The following SLC17A5 variants were observed in gnomAD, a reference collection of about 807,000 sequenced individuals.
SLC17A5 encodes the protein sialin.
Under a neutral mutation model 59.4 loss-of-function variants are expected in SLC17A5, and 47 were observed. The observed-to-expected ratio is 0.79, with a 90% CI of 0.63 to 1.01. The LOEUF is 1.01. Ranked by LOEUF, SLC17A5 falls within the 50% of genes least tolerant of loss-of-function variation. The pLI is 0.00. For synonymous variants in SLC17A5, 202 were observed against 210.7 expected (o/e 0.96, Z 0.36); for missense variants, 522 against 595.5 (o/e 0.88, Z 1.28).
At chr6:73,598,402 G>A (rs546751001) in intron 10 of SLC17A5, among the ~76,000 whole-genome samples, 11 of 151,998 alleles carry the variant, frequency 7.2e-5, no homozygotes, top group Admixed American at 7.2e-4. Flanking sequence ...AGGCTGAGGC[G>A]GGTGGATCAT....
rs1285551450 is a variant in SLC17A5 at position 73,636,704 on chromosome 6, G to A, written c.617C>T (p.Ala206Val). 6.2e-7 allele frequency: 1 copy of A among 1,605,920 alleles called. No homozygotes were observed. The highest frequency in any genetic ancestry group is 1.7e-5 in the Admixed American group (1 of 60,008). Residue 206 changes from alanine (A) to valine (V), a missense_variant, in exon 5 of 11, where the codon GCA becomes GTA. Ala to Val is a moderately conservative substitution (Grantham distance 64). Around this residue, in one of 3 missense-constraint regions of SLC17A5, gnomAD observed 338 missense variants for 363.8 expected, o/e 0.93. Transcript: ENST00000355773. Reference sequence around the variant, plus strand: ...AAGAGAAATTACTGTCCCAAGCTGTGCTCCTAGAACAACACATAAGACTAT... The same window carrying A: ...AAGAGAAATTACTGTCCCAAGCTGTACTCCTAGAACAACACATAAGACTAT... ...SKLLSISYAGAQLGTVISLPL... is the reference protein window; with the variant it reads ...SKLLSISYAGVQLGTVISLPL...
intron 1 of SLC17A5, among the ~76,000 whole-genome samples, chr6:73,649,325 G>A (rs1235816597): frequency 2.0e-5 from 3 of 152,164 alleles, no homozygotes; most frequent in Non-Finnish European, 4.4e-5. Context: ...ATTACAAGCC[G>A]GGCATGGTGG....
chr6:73,647,409 C>A (rs1236360230), intron 1 of SLC17A5, among the ~76,000 whole-genome samples: 1 of 152,156 alleles, frequency 6.6e-6, no homozygotes, highest in South Asian at 2.1e-4. Context: ...TGTTTAAAGG[C>A]AGAATTAACA....
chr6:73,593,493 C>A lies in SLC17A5; in HGVS notation c.*1584G>T, dbSNP rs143753884. 2 of 152,344 alleles carry A rather than the reference C, an allele frequency of 1.3e-5. No individual in the cohort carries two copies. Among genetic ancestry groups the A allele is most frequent in the Non-Finnish European group, 2.9e-5 (2 of 68,038 alleles). The allele number at this position is 152,344 out of a possible 1,614,324, so 9.4% of individuals were successfully genotyped here. On this transcript the variant is annotated 3_prime_UTR_variant, in exon 11 of 11. Transcript: ENST00000355773. ...ATAAATGTATTCACATCACATTAAACAGTTTTAAAATATTACACGTAGTGT... is the reference window on the plus strand; with the variant it reads ...ATAAATGTATTCACATCACATTAAAAAGTTTTAAAATATTACACGTAGTGT...
chr6:73,650,283 G>A (rs1447884201), intron 1 of SLC17A5, among the ~76,000 whole-genome samples: 4 of 151,620 alleles, frequency 2.6e-5, no homozygotes, highest in African/African-American at 9.7e-5. Context: ...GCCGAGGCAG[G>A]TGGATCACGT....
chr6:73,651,771 TCGGTCTGCTG>T (rs1769881920), intron 1 of SLC17A5, among the ~76,000 whole-genome samples: 2 of 152,094 alleles, frequency 1.3e-5, no homozygotes, highest in Admixed American at 1.3e-4. Flanking sequence ...CGGGATGGTC[TCGGTCTGCTG>T]ACCTCAGGTG....
intron 10 of SLC17A5, among the ~76,000 whole-genome samples, chr6:73,595,905 T>TATATATATACGTATATATATAC (rs1393613733): frequency 0.062 from 44 of 714 alleles, no homozygotes; most frequent in South Asian, 0.46. Context: ...TATATATATG[T>TATATATATACGTATATATATAC]ATATATATAC....
chr6:73,638,542 G>T, intron 3 of SLC17A5, 43 bp from the exon 4 acceptor site: 1 of 1,459,990 alleles, frequency 6.8e-7, no homozygotes, highest in Non-Finnish European at 9.6e-7. Flanking sequence ...ATGTAAGGTA[G>T]TTTTGTTAAT....
chr6:73,607,368 A>G (rs1371590898), intron 9 of SLC17A5, among the ~76,000 whole-genome samples: 1 of 150,730 alleles, frequency 6.6e-6, no homozygotes, highest in Non-Finnish European at 1.5e-5. Flanking sequence ...TCCCAGGTTC[A>G]AGTGATTTTC....
At chr6:73,645,544 T>C in intron 1 of SLC17A5, 1 of 960,412 alleles carries the variant, frequency 1.0e-6, no homozygotes, top group Non-Finnish European at 1.2e-6. Context: ...CCCAGCACTT[T>C]GGGAAGCCGA....
chr6:73,623,662 T>TTTTATTTATTTA (rs145897192), intron 6 of SLC17A5, among the ~76,000 whole-genome samples: 1 of 136,698 alleles, frequency 7.3e-6, no homozygotes, highest in Admixed American at 7.6e-5. Flanking sequence ...TGTCTTTTAT[T>TTTTATTTATTTA]TTTATTTATT....
At chr6:73,602,309 C>T (rs1210837957) in intron 9 of SLC17A5, among the ~76,000 whole-genome samples, 6 of 146,630 alleles carry the variant, frequency 4.1e-5, no homozygotes, top group Non-Finnish European at 9.0e-5. Context: ...TGCGGAACGC[C>T]GCAGGGTCCT....
At chr6:73,617,885 GT>G (rs201155581) in intron 7 of SLC17A5, among the ~76,000 whole-genome samples, 8,465 of 152,086 alleles carry the variant, frequency 0.056, 419 homozygotes, top group Admixed American at 0.16. Context: ...CAGTTGTTAA[GT>G]TTTCTCTTCA....
At chr6:73,617,796 C>T (rs1454787167) in intron 7 of SLC17A5, among the ~76,000 whole-genome samples, 7 of 151,944 alleles carry the variant, frequency 4.6e-5, no homozygotes, top group East Asian at 1.9e-4. Flanking sequence ...GCCAAGATTG[C>T]GCCACTGCGC....
At position 73,597,196 on chromosome 6, in the gene SLC17A5, G is replaced by A. The variant is rs1301906531; in HGVS notation, c.1351-1982C>T. Among the ~76,000 whole-genome samples the A allele has an allele frequency of 3.3e-5, 5 of 151,760 alleles. No homozygotes were observed. The East Asian group carries it at 9.7e-4, about 29-fold the overall frequency. On this transcript the variant is annotated intron_variant, in intron 10 of 10. Transcript: ENST00000355773. Reference sequence around the variant, plus strand: ...TAAATAAATAAACCAGGCCAGGCGTGGTGGCTTACGCCTGTAATCCTAGCA... The same window carrying A: ...TAAATAAATAAACCAGGCCAGGCGTAGTGGCTTACGCCTGTAATCCTAGCA...
chr6:73,642,761 T>A (rs1035985850), intron 2 of SLC17A5, among the ~76,000 whole-genome samples: 1 of 152,240 alleles, frequency 6.6e-6, no homozygotes, highest in Non-Finnish European at 1.5e-5. Flanking sequence ...GATTTCTTTC[T>A]ACTGCTGATA....
rs757903871 is a variant in SLC17A5, at chr6:73,636,656, T to C, written c.665A>G (p.Tyr222Cys). Residue 222 changes from tyrosine (Y) to cysteine (C), a missense_variant, in exon 5 of 11, where the codon TAC becomes TGC. By Grantham distance (194) the Tyr-to-Cys change is radical. Coordinates refer to ENST00000355773, the MANE Select transcript of SLC17A5 (RefSeq NM_012434.5). ...GAAGACATAAGTCCAATTCATATAG[T>C]AGCAAATTATTCCAGAAAGAGGAAG... is the stretch of plus-strand genomic sequence containing the variant. ...ISLPLSGIIC[Y>C]YMNWTYVFYF... The C allele has an allele frequency of 6.2e-7, 1 of 1,611,292 alleles. No homozygotes were observed. The highest frequency in any genetic ancestry group is 8.5e-7 in the Non-Finnish European group (1 of 1,177,378).
At chr6:73,653,367 T>C (rs1355930783) in intron 1 of SLC17A5, 8 of 985,442 alleles carry the variant, frequency 8.1e-6, no homozygotes, top group East Asian at 1.1e-4. Flanking sequence ...CAGTTTGCTC[T>C]TACACCGGGG....
Position 73,594,286 on chromosome 6 carries a change from G to C in SLC17A5, c.*791C>G, listed in dbSNP as rs907207384. The C allele has an allele frequency of 6.6e-6, 1 of 152,342 alleles. No homozygotes were observed. Among genetic ancestry groups the C allele is most frequent in the African/African-American group, 2.4e-5 (1 of 41,424 alleles). 9.4% of individuals were successfully genotyped at this position (152,342 alleles called of 1,614,324 possible). The stretch of plus-strand genomic sequence containing the variant: ...GCCCACCTCAGCCCCCCAAAGTGCT[G>C]GGATTACAGGCATGAGCCACCGTGC... On this transcript the variant is annotated 3_prime_UTR_variant, in exon 11 of 11. Coordinates refer to ENST00000355773, the MANE Select transcript of SLC17A5 (RefSeq NM_012434.5).
Sources: gnomAD v4.1 joint callset for allele counts (sites outside exome capture counted in the v4.1 genomes callset) on GRCh38, gnomAD v4.1.1 for gene constraint, gnomAD v4.1.1 regional missense constraint, MANE v1.5 for transcripts, NCBI Gene and HGNC (gene_info 2026-07-23, HGNC 2026-07-21) for gene names.